The following NCOA2 variants were observed in gnomAD, a reference collection of about 807,000 sequenced individuals.
NCOA2 encodes class E basic helix-loop-helix protein 75.
NCOA2 carries 21 observed loss-of-function variants against 145.1 expected under a neutral mutation model. The ratio of observed to expected loss-of-function variants is 0.14; its 90% CI spans 0.10 to 0.21. The LOEUF is 0.21. NCOA2 is among the 10% of genes least tolerant of loss of function. The pLI is 1.00. For synonymous variants in NCOA2, 619 were observed against 637.5 expected, an observed-to-expected ratio of 0.97 and a Z score of 0.44; for missense variants, 1,472 against 1,837.6, an observed-to-expected ratio of 0.80 and a Z score of 3.64.
At chr8:70,423,287 G>A in the NCOA2 span, among the ~76,000 whole-genome samples, 1 of 152,106 alleles carries the variant, frequency 6.6e-6, no homozygotes, top group African/African-American at 2.4e-5. Flanking sequence ...AGGTTCAAGT[G>A]ATTCTCCTGC....
At position 70,126,799 on chromosome 8, in the gene NCOA2, T is replaced by A; in HGVS notation, c.3916+14A>T. The A allele has an allele frequency of 6.2e-7, 1 of 1,607,408 alleles. No individual in the cohort carries two copies. On this transcript the variant is annotated intron_variant, in intron 19 of 22. Coordinates refer to ENST00000452400, the MANE Select transcript of NCOA2 (RefSeq NM_006540.4). Reference sequence around the variant, plus strand: ...AAGGACTGGTGAAAGGTGGTGGGGATCTAAGTCCAGTACCGTAGTTTGGAG... The same window carrying A: ...AAGGACTGGTGAAAGGTGGTGGGGAACTAAGTCCAGTACCGTAGTTTGGAG...
In NCOA2 at chr8:70,303,320, G is replaced by A. The variant is rs1239258540; in HGVS notation, c.-76-6520C>T. Among the ~76,000 whole-genome samples the A allele has an allele frequency of 5.3e-5, 8 of 152,226 alleles. No individual in the cohort carries two copies. The East Asian group carries it at 1.5e-3, about 29-fold the overall frequency. On this transcript the variant is annotated intron_variant, in intron 1 of 22. Transcript: ENST00000452400. Reference sequence around the variant, plus strand: ...AAAAGGAATTGACCAAGGAAAATGAGAAGAAATTACCTAAAAGACAAGAGG... The same window carrying A: ...AAAAGGAATTGACCAAGGAAAATGAAAAGAAATTACCTAAAAGACAAGAGG...
chr8:70,348,608 T>C (rs542740385), intron 1 of NCOA2, among the ~76,000 whole-genome samples: 1 of 152,104 alleles, frequency 6.6e-6, no homozygotes, highest in Non-Finnish European at 1.5e-5. Context: ...AGGTCATGTA[T>C]ACATATAGGG....
intron 4 of NCOA2, among the ~76,000 whole-genome samples, chr8:70,188,194 C>G (rs1218523531): frequency 1.3e-5 from 2 of 152,198 alleles, no homozygotes; most frequent in African/African-American, 4.8e-5. Flanking sequence ...ACCTGCTTCT[C>G]AAATAAACTG....
chr8:70,151,280 C>T (rs925261868), intron 11 of NCOA2, among the ~76,000 whole-genome samples: 1 of 151,804 alleles, frequency 6.6e-6, no homozygotes, highest in African/African-American at 2.4e-5. Flanking sequence ...ACAGTCTAGA[C>T]TCACACTTTT....
In NCOA2 at chr8:70,352,668, T is replaced by C. The variant is rs1809348702; in HGVS notation, c.-77+51032A>G. 4.6e-5 allele frequency among the ~76,000 whole-genome samples: 7 copies of C among 152,332 alleles called. 1 individual carries two copies. The South Asian group carries it at 1.4e-3, about 32-fold the overall frequency. ...TAGTTAAGAAATACATTTCACACCA[T>C]GAACCAATACATACAACAACTGCAA... On this transcript the variant is annotated intron_variant, in intron 1 of 22. Coordinates refer to ENST00000452400, the MANE Select transcript of NCOA2 (RefSeq NM_006540.4).
chr8:70,135,437 A>G (rs892969972), intron 15 of NCOA2, among the ~76,000 whole-genome samples: 1 of 152,190 alleles, frequency 6.6e-6, no homozygotes, highest in Non-Finnish European at 1.5e-5. Flanking sequence ...TTTCTAGTGG[A>G]TGAAAACAAA....
At chr8:70,272,590 A>G (rs1214554006) in intron 2 of NCOA2, among the ~76,000 whole-genome samples, 6 of 152,180 alleles carry the variant, frequency 3.9e-5, no homozygotes, top group Admixed American at 3.9e-4. Context: ...CATCTGTCAC[A>G]AAAGTCAGAT....
chr8:70,214,639 G>A (rs1158978676), intron 3 of NCOA2, among the ~76,000 whole-genome samples: 2 of 152,050 alleles, frequency 1.3e-5, no homozygotes, highest in Non-Finnish European at 2.9e-5. Flanking sequence ...AAACAAAAGC[G>A]AAACTGACCC....
At position 70,124,855 on chromosome 8, in the gene NCOA2, C is replaced by T; in HGVS notation, c.3927G>A (p.Gln1309=). ...CCCCAGTAAAGCCTGGATCAGGTTG[C>T]TGACTTATTCCTTAAAAAAAAAAAC... ...FPFPPNYGIS[Q]QPDPGFTGAT... Residue 1309 remains glutamine, a synonymous_variant, in exon 20 of 23, where the codon CAG becomes CAA. Transcript: ENST00000452400. 6.3e-7 allele frequency: 1 copy of T among 1,576,290 alleles called. No homozygotes were observed. Among genetic ancestry groups the T allele is most frequent in the Non-Finnish European group, 8.6e-7 (1 of 1,168,198 alleles).
At chr8:70,437,635 T>G in the NCOA2 span, among the ~76,000 whole-genome samples, 1 of 152,254 alleles carries the variant, frequency 6.6e-6, no homozygotes, top group Non-Finnish European at 1.5e-5. Context: ...AATACATTCA[T>G]GGATAGATTT....
At chr8:70,207,915 A>ATTGAAAATG (rs1399364285) in intron 4 of NCOA2, among the ~76,000 whole-genome samples, 1 of 151,046 alleles carries the variant, frequency 6.6e-6, no homozygotes, top group Non-Finnish European at 1.5e-5. Flanking sequence ...AAGAAAAGCA[A>ATTGAAAATG]TTGAAAATGA....
chr8:70,219,504 G>A (rs1269794954), intron 2 of NCOA2, among the ~76,000 whole-genome samples: 1 of 152,110 alleles, frequency 6.6e-6, no homozygotes, highest in Admixed American at 6.5e-5. Context: ...GGGTGGAGTC[G>A]GGGATGCCTG....
Position 70,151,990 on chromosome 8 carries a change from T to C in NCOA2, c.2395-3507A>G, listed in dbSNP as rs144862675. Among the ~76,000 whole-genome samples the C allele has an allele frequency of 1.9e-3, 286 of 152,342 alleles. 1 individual carries two copies. Among genetic ancestry groups the C allele is most frequent in the African/African-American group, 6.6e-3 (276 of 41,578 alleles). ...TTCTCCCCTCAATTTTTGTAGGCTT[T>C]AATTCTCATCAAAAGTTCTTCTAGT... On this transcript the variant is annotated intron_variant, in intron 11 of 22. Coordinates refer to ENST00000452400, the MANE Select transcript of NCOA2 (RefSeq NM_006540.4).
the NCOA2 span, among the ~76,000 whole-genome samples, chr8:70,426,080 CA>C: frequency 6.6e-6 from 1 of 152,168 alleles, no homozygotes; most frequent in Non-Finnish European, 1.5e-5. Context: ...AAGTAAACAG[CA>C]AAACTCTTCT....
the NCOA2 span, among the ~76,000 whole-genome samples, chr8:70,434,843 C>T: frequency 6.6e-6 from 1 of 152,234 alleles, no homozygotes; most frequent in Admixed American, 6.5e-5. Context: ...AGTGCAATTT[C>T]ATCCACTCCC....
chr8:70,189,893 G>A (rs546314014), intron 4 of NCOA2, among the ~76,000 whole-genome samples: 194 of 152,274 alleles, frequency 1.3e-3, no homozygotes, highest in African/African-American at 4.5e-3. Context: ...CCACTTGTTT[G>A]GAGAGTATAG....
chr8:70,323,756 T>C (rs1806302398), intron 1 of NCOA2, among the ~76,000 whole-genome samples: 1 of 152,200 alleles, frequency 6.6e-6, no homozygotes, highest in Admixed American at 6.5e-5. Context: ...ACACCTGGTA[T>C]GAGCCTATGT....
At chr8:70,375,537 A>G (rs928589111) in intron 1 of NCOA2, among the ~76,000 whole-genome samples, 14 of 152,360 alleles carry the variant, frequency 9.2e-5, no homozygotes, top group South Asian at 8.3e-4. Context: ...AATGAGACTT[A>G]AAAGAAAAAG....
Sources: allele counts gnomAD v4.1 joint callset (sites outside exome capture counted in the v4.1 genomes callset), GRCh38; gene constraint gnomAD v4.1.1; transcripts MANE v1.5; gene names NCBI Gene and HGNC (gene_info 2026-07-23, HGNC 2026-07-21).